The following PTPRM variants were observed in gnomAD, a reference collection of about 807,000 sequenced individuals.
The protein encoded by PTPRM is protein tyrosine phosphatase receptor type M, also known as receptor-type tyrosine-protein phosphatase mu.
Under a neutral mutation model 186.7 loss-of-function variants are expected in PTPRM, and 47 were observed. The observed-to-expected ratio is 0.25, with a 90% CI of 0.20 to 0.32. The LOEUF (loss-of-function observed/expected upper bound fraction) is 0.32. Ranked by LOEUF, PTPRM falls within the 10% of genes least tolerant of loss-of-function variation. The pLI is 1.00. For missense variants in PTPRM, 1,494 were observed against 1,865.0 expected (o/e 0.80, Z 3.66); for synonymous variants, 668 against 674.9 (o/e 0.99, Z 0.16).
intron 14 of PTPRM, among the ~76,000 whole-genome samples, chr18:8,145,207 A>G (rs2092854003): frequency 6.6e-6 from 1 of 152,212 alleles, no homozygotes; most frequent in Admixed American, 6.5e-5. Context: ...GACTTAGAAT[A>G]GTTCCTGGTT....
At chr18:8,103,445 T>C (rs1413078434) in intron 11 of PTPRM, among the ~76,000 whole-genome samples, 7 of 152,254 alleles carry the variant, frequency 4.6e-5, no homozygotes, top group Admixed American at 2.0e-4. Flanking sequence ...TTTGTACTTT[T>C]ATGTTATGAA....
chr18:7,656,857 G>A (rs557455633), intron 1 of PTPRM, among the ~76,000 whole-genome samples: 322 of 152,150 alleles, frequency 2.1e-3, no homozygotes, highest in African/African-American at 7.4e-3. Flanking sequence ...AGAACAGGTA[G>A]CCAGCTTGCA....
intron 1 of PTPRM, among the ~76,000 whole-genome samples, chr18:7,700,946 C>T (rs1163580420): frequency 4.7e-5 from 6 of 128,600 alleles, no homozygotes; most frequent in Admixed American, 9.8e-5. Flanking sequence ...CACTGCACTC[C>T]AGCCTGGCAA....
chr18:8,343,373 A>G, intron 22 of PTPRM, 50 bp from the exon 23 acceptor site: 2 of 1,548,444 alleles, frequency 1.3e-6, no homozygotes, highest in Non-Finnish European at 1.8e-6. Flanking sequence ...GAAATTTTCC[A>G]GTTGAAACTT....
chr18:7,878,845 A>G (rs894349155), intron 2 of PTPRM, among the ~76,000 whole-genome samples: 4 of 152,206 alleles, frequency 2.6e-5, no homozygotes, highest in African/African-American at 4.8e-5. Flanking sequence ...GATTTACAAC[A>G]GAAACTAACC....
rs189944197 is a variant in PTPRM at position 7,953,967 on chromosome 18, C to T, written c.839-1154C>T. Among the ~76,000 whole-genome samples, 50 of 152,226 alleles carry T rather than the reference C, an allele frequency of 3.3e-4. No homozygotes were observed. The South Asian group carries it at 3.3e-3, about 10-fold the overall frequency. ...GAACATGCCAAAAAGGCACAAACCACCCATAGATACAGTCTTGAAAAAAAT... is the reference window on the plus strand; with the variant it reads ...GAACATGCCAAAAAGGCACAAACCATCCATAGATACAGTCTTGAAAAAAAT... On this transcript the variant is annotated intron_variant, in intron 6 of 32. Coordinates refer to ENST00000580170, the MANE Select transcript of PTPRM (RefSeq NM_001105244.2).
intron 17 of PTPRM, 95 bp downstream of exon 17, chr18:8,248,271 T>C: frequency 8.4e-7 from 1 of 1,189,748 alleles, no homozygotes; most frequent in Non-Finnish European, 1.3e-6. Flanking sequence ...TTCTGTATAA[T>C]GCAGTGATTA....
At chr18:7,985,582 C>CGTATATAAATATATACATATAA (rs2082914579) in intron 7 of PTPRM, among the ~76,000 whole-genome samples, 2 of 137,176 alleles carry the variant, frequency 1.5e-5, no homozygotes, top group Admixed American at 7.0e-5. Flanking sequence ...TATACATATA[C>CGTATATAAATATATACATATAA]TGGTAGATAC....
chr18:8,044,942 T>C (rs990541743), intron 7 of PTPRM, among the ~76,000 whole-genome samples: 2 of 152,122 alleles, frequency 1.3e-5, no homozygotes, highest in African/African-American at 4.8e-5. Context: ...CATAAAACAG[T>C]CTGACAGTTC....
intron 1 of PTPRM, among the ~76,000 whole-genome samples, chr18:7,671,583 C>A (rs1046866779): frequency 6.6e-6 from 1 of 152,154 alleles, no homozygotes; most frequent in African/African-American, 2.4e-5. Flanking sequence ...GAGAATGTCA[C>A]ATGAGCTGTA....
intron 1 of PTPRM, among the ~76,000 whole-genome samples, chr18:7,622,131 T>G (rs2037954615): frequency 6.6e-6 from 1 of 152,224 alleles, no homozygotes; most frequent in Non-Finnish European, 1.5e-5. Flanking sequence ...TTTGGTGGTG[T>G]CAGTGTTCGA....
At chr18:7,817,401 T>C (rs1162545049) in intron 2 of PTPRM, among the ~76,000 whole-genome samples, 4 of 152,206 alleles carry the variant, frequency 2.6e-5, no homozygotes, top group African/African-American at 9.6e-5. Context: ...CCTCATAAAA[T>C]ATTTATGTAT....
intron 1 of PTPRM, among the ~76,000 whole-genome samples, chr18:7,580,338 G>T (rs1219281502): frequency 1.3e-5 from 2 of 152,154 alleles, no homozygotes; most frequent in African/African-American, 4.8e-5. Flanking sequence ...AACAAGAAGT[G>T]GGTGTTGAAG....
chr18:7,871,084 C>T (rs1490923157), intron 2 of PTPRM, among the ~76,000 whole-genome samples: 2 of 152,190 alleles, frequency 1.3e-5, no homozygotes, highest in African/African-American at 4.8e-5. Context: ...CTATTACTTT[C>T]GCAAGAGCCC....
At chr18:7,718,003 G>A (rs1047801714) in intron 1 of PTPRM, among the ~76,000 whole-genome samples, 14 of 152,012 alleles carry the variant, frequency 9.2e-5, no homozygotes, top group Non-Finnish European at 1.9e-4. Flanking sequence ...TCTCATGAAG[G>A]GGTCAGGGAA....
At chr18:7,763,558 C>T (rs1766500951) in intron 1 of PTPRM, among the ~76,000 whole-genome samples, 1 of 152,286 alleles carries the variant, frequency 6.6e-6, no homozygotes, top group South Asian at 2.1e-4. Context: ...CAATTAAATA[C>T]ACTCATCTGT....
At chr18:8,239,586 G>T (rs1240994593) in intron 14 of PTPRM, among the ~76,000 whole-genome samples, 1 of 152,144 alleles carries the variant, frequency 6.6e-6, no homozygotes, top group Admixed American at 6.5e-5. Flanking sequence ...TCCTGGCTAG[G>T]TTCTGGCTCT....
intron 14 of PTPRM, among the ~76,000 whole-genome samples, chr18:8,144,258 C>T (rs1600816630): frequency 6.6e-6 from 1 of 152,100 alleles, no homozygotes; most frequent in African/African-American, 2.4e-5. Flanking sequence ...AAAGAGAACC[C>T]GCAAAAACAG....
chr18:8,346,994 T>C (rs1002725614), intron 23 of PTPRM, among the ~76,000 whole-genome samples: 1 of 152,306 alleles, frequency 6.6e-6, no homozygotes, highest in East Asian at 1.9e-4. Context: ...ACATTTCATC[T>C]GCTTTCATGT....
Sources: allele counts gnomAD v4.1 joint callset (sites outside exome capture counted in the v4.1 genomes callset), GRCh38; gene constraint gnomAD v4.1.1; transcripts MANE v1.5; gene names NCBI Gene and HGNC (gene_info 2026-07-23, HGNC 2026-07-21).